Variants in REST observed in about 807,000 individuals in gnomAD.
REST encodes RE1 silencing transcription factor, also known as RE1-silencing transcription factor.
REST carries 1 observed loss-of-function variant against 30.4 expected under a neutral mutation model. That is an observed-to-expected ratio of 0.03 (90% confidence interval 0.01 to 0.16). The LOEUF (loss-of-function observed/expected upper bound fraction) is 0.16. Among genes scored for constraint, REST ranks in the 10% least tolerant of loss-of-function variants. REST has a pLI of 1.00. For synonymous variants in REST, 504 were observed against 451.1 expected, an observed-to-expected ratio of 1.12 and a Z score of -1.49; for missense variants, 1,259 against 1,329.5, an observed-to-expected ratio of 0.95 and a Z score of 0.82.
chr4:56,916,709 G>C (rs1445092717), intron 2 of REST, among the ~76,000 whole-genome samples: 1 of 152,024 alleles, frequency 6.6e-6, no homozygotes, highest in Non-Finnish European at 1.5e-5. Flanking sequence ...ATCTGCAGTG[G>C]TATTTAATTT....
rs1720958593 is a variant in REST, at chr4:56,931,261, A to G, written c.2403A>G (p.Arg801=). 1 of 1,614,116 alleles carries G rather than the reference A, an allele frequency of 6.2e-7. No individual in the cohort carries two copies. The highest frequency in any genetic ancestry group is 1.3e-5 in the African/African-American group (1 of 74,956). ...CTCAGAGGGAGCCACCTCCTCCCAG[A>G]GAGCCTCCCCTTCACATGGAGCCAA... ...EPAQREPPPP[R]EPPLHMEPIS... The change falls in exon 4 of 4, where the codon AGA becomes AGG. Residue 801 remains arginine, a synonymous_variant. Coordinates refer to ENST00000309042, the MANE Select transcript of REST (RefSeq NM_005612.5).
In REST at chr4:56,930,697, G is replaced by A; in HGVS notation, c.1839G>A (p.Met613Ile). The A allele has an allele frequency of 1.2e-6, 2 of 1,611,358 alleles. No homozygotes were observed. The highest frequency in any genetic ancestry group is 1.7e-6 in the Non-Finnish European group (2 of 1,179,320). Residue 613 changes from methionine to isoleucine, a missense_variant, in exon 4 of 4, where the codon ATG becomes ATA. Coordinates refer to ENST00000309042, the MANE Select transcript of REST (RefSeq NM_005612.5). Reference sequence around the variant, plus strand: ...CTGCTCAGATGGACCCTCCTCAGATGGGGCCTGCTCCCACAGAGGCGGTTC... The same window carrying A: ...CTGCTCAGATGGACCCTCCTCAGATAGGGCCTGCTCCCACAGAGGCGGTTC... ...KGSAQMDPPQ[M>I]GPAPTEAVQK...
chr4:56,910,572 AAGCC>A, intron 1 of REST, 54 bp from the exon 2 acceptor site: 1 of 1,412,968 alleles, frequency 7.1e-7, no homozygotes, highest in South Asian at 1.4e-5. Flanking sequence ...ATGTGGTTTT[AAGCC>A]AGTAACAGTA....
chr4:56,926,682 A>G (rs568987225), intron 3 of REST, among the ~76,000 whole-genome samples: 5 of 152,026 alleles, frequency 3.3e-5, no homozygotes, highest in South Asian at 2.1e-4. Context: ...AAAGTTACCA[A>G]TTGGTTCCAA....
At chr4:56,911,672 A>G in intron 2 of REST, 136 bp downstream of exon 2, 2 of 691,768 alleles carry the variant, frequency 2.9e-6, no homozygotes. Flanking sequence ...GACCTTGCAC[A>G]AGTTGTTTAA....
chr4:56,914,489 A>G (rs899572971), intron 2 of REST, among the ~76,000 whole-genome samples: 41 of 152,140 alleles, frequency 2.7e-4, no homozygotes, highest in African/African-American at 9.7e-4. Flanking sequence ...AAACCATTCG[A>G]TTTCAGAAGT....
At chr4:56,909,900 A>G (rs957955669) in intron 1 of REST, among the ~76,000 whole-genome samples, 2 of 152,208 alleles carry the variant, frequency 1.3e-5, no homozygotes, top group Non-Finnish European at 2.9e-5. Context: ...CTTGGAATTC[A>G]GTGTTGTGGA....
Position 56,930,860 on chromosome 4 carries a change from C to T in REST, c.2002C>T (p.Pro668Ser), listed in dbSNP as rs2109575595. 3.1e-6 allele frequency: 5 copies of T among 1,613,572 alleles called. No individual in the cohort carries two copies. Among genetic ancestry groups the T allele is most frequent in the Non-Finnish European group, 4.2e-6 (5 of 1,179,672 alleles). ...GGGGCCTGCTCAGAAGGAGCTGCTG[C>T]CTCCCGTGGAGCCTGCTCAGATGGT... ...QEGPAQKELL[P>S]PVEPAQMVGA... Residue 668 changes from proline to serine, a missense_variant, in exon 4 of 4, where the codon CCT becomes TCT. By Grantham distance (74) the Pro-to-Ser change is moderately conservative. Transcript: ENST00000309042.
rs137961173 is a variant in REST at position 56,911,256 on chromosome 4, A to G, written c.618A>G (p.Ala206=). 24 of 1,614,154 alleles carry G rather than the reference A, an allele frequency of 1.5e-5. No homozygotes were observed. In the East Asian group the frequency reaches 3.3e-4, roughly 22 times the overall value. ...CCAGGGAATCTGGCTCTTCCACTGC[A>G]GAAGAGGGAGATTTCTCCAAGGGCC... ...AKARESGSST[A]EEGDFSKGPI... Residue 206 remains alanine, a synonymous_variant, in exon 2 of 4, where the codon GCA becomes GCG. Coordinates refer to ENST00000309042, the MANE Select transcript of REST (RefSeq NM_005612.5).
intron 2 of REST, among the ~76,000 whole-genome samples, chr4:56,919,376 TAAAA>T (rs34219963): frequency 1.3e-5 from 2 of 149,188 alleles, no homozygotes; most frequent in African/African-American, 2.5e-5. Context: ...ATTTACAAGT[TAAAA>T]AAAAAACCTA....
Position 56,931,445 on chromosome 4 carries a change from C to T in REST, c.2587C>T (p.Pro863Ser). 1 of 1,614,190 alleles carries T rather than the reference C, an allele frequency of 6.2e-7. No homozygotes were observed. Among genetic ancestry groups the T allele is most frequent in the Non-Finnish European group, 8.5e-7 (1 of 1,180,034 alleles). ...ESVSTEDLSP[P>S]SPPLPKENLR... ...TGTAAGCACAGAGGATCTCTCACCA[C>T]CATCACCACCACTGCCAAAGGAAAA... is the stretch of plus-strand genomic sequence containing the variant. The change falls in exon 4 of 4, where the codon CCA becomes TCA. Residue 863 changes from proline (P) to serine (S), a missense_variant. Physicochemically the swap from Pro to Ser is moderately conservative, Grantham distance 74. Coordinates refer to ENST00000309042, the MANE Select transcript of REST (RefSeq NM_005612.5).
rs1233573833 is a variant in REST, at chr4:56,912,324, TA to T, written c.898+795del. On this transcript the variant is annotated intron_variant, in intron 2 of 3. Coordinates refer to ENST00000309042, the MANE Select transcript of REST (RefSeq NM_005612.5). ...TGAACTGATACTAAGCGCAACTGTA[TA>T]AAAAAAGTTGAAACTTTTTTTTTTT... Among the ~76,000 whole-genome samples, 3 of 147,300 alleles carry T rather than the reference TA, an allele frequency of 2.0e-5. No homozygotes were observed. The South Asian group carries it at 6.4e-4, about 32-fold the overall frequency.
intron 3 of REST, among the ~76,000 whole-genome samples, chr4:56,928,855 C>A (rs1399169003): frequency 6.6e-6 from 1 of 151,094 alleles, no homozygotes; most frequent in Non-Finnish European, 1.5e-5. Context: ...TCCCAAAGTG[C>A]TGGGATTTAC....
At position 56,931,644 on chromosome 4, in the gene REST, C is replaced by T. The variant is rs1244469586; in HGVS notation, c.2786C>T (p.Pro929Leu). The change falls in exon 4 of 4, where the codon CCA becomes CTA. Residue 929 changes from proline to leucine, a missense_variant. By Grantham distance (98) the Pro-to-Leu change is moderately conservative (BLOSUM62 -3). Transcript: ENST00000309042. The stretch of plus-strand genomic sequence containing the variant: ...TCCTCTGGACAAAACTTGAATACGC[C>T]AGAGGGTGAAACTTTAAATGGTAAA... ...ISSSGQNLNT[P>L]EGETLNGKHQ... The T allele has an allele frequency of 6.2e-7, 1 of 1,614,042 alleles. No individual in the cohort carries two copies. The highest frequency in any genetic ancestry group is 8.5e-7 in the Non-Finnish European group (1 of 1,180,048).
In REST at chr4:56,931,344, A is replaced by G. The variant is rs146942863; in HGVS notation, c.2486A>G (p.Glu829Gly). ...AAGGAAAAGTCTAACATGCAGAGTG[A>G]AAGGGCACGGAAGGAGCAAGTCCTT... ...DKKEKSNMQS[E>G]RARKEQVLIE... Residue 829 changes from glutamate (E) to glycine (G), a missense_variant, in exon 4 of 4, where the codon GAA becomes GGA. By Grantham distance (98) the Glu-to-Gly change is moderately conservative. Coordinates refer to ENST00000309042, the MANE Select transcript of REST (RefSeq NM_005612.5). 9.6e-4 allele frequency: 1,550 copies of G among 1,614,278 alleles called. 4 individuals are homozygous for G. Among genetic ancestry groups the G allele is most frequent in the Non-Finnish European group, 1.2e-3 (1,434 of 1,180,048 alleles).
Position 56,919,863 on chromosome 4 carries a change from T to A in REST, c.975T>A (p.Thr325=), listed in dbSNP as rs749776025. The part of the protein sequence containing the change: ...QKTHLTRHMR[T]HSGEKPFKCD... ...CTCATCTAACTAGACATATGCGTAC[T>A]CATTCAGGTTGGTAAGAAATTGGAA... The change falls in exon 3 of 4, where the codon ACT becomes ACA. Residue 325 remains threonine, a synonymous_variant. Coordinates refer to ENST00000309042, the MANE Select transcript of REST (RefSeq NM_005612.5). The A allele has an allele frequency of 6.4e-7, 1 of 1,556,590 alleles. No homozygotes were observed. Among genetic ancestry groups the A allele is most frequent in the African/African-American group, 1.4e-5 (1 of 74,038 alleles).
intron 3 of REST, among the ~76,000 whole-genome samples, chr4:56,923,790 C>T (rs993663936): frequency 5.9e-5 from 9 of 151,768 alleles, no homozygotes; most frequent in South Asian, 2.1e-4. Flanking sequence ...GGTGCGACCT[C>T]GGCTCACTGC....
chr4:56,929,905 C>T lies in REST; in HGVS notation c.1047C>T (p.Arg349=). The change falls in exon 4 of 4, where the codon CGC becomes CGT. Residue 349 remains arginine, a synonymous_variant. Transcript: ENST00000309042. ...CCTCTAATCAACATGAAGTAACCCG[C>T]CATGCAAGACAGGTTCACAATGGGC... ...YVASNQHEVT[R]HARQVHNGPK... The T allele has an allele frequency of 1.2e-6, 2 of 1,614,076 alleles. No homozygotes were observed. Among genetic ancestry groups the T allele is most frequent in the Non-Finnish European group, 1.7e-6 (2 of 1,179,964 alleles).
At position 56,911,170 on chromosome 4, in the gene REST, A is replaced by C; in HGVS notation, c.532A>C (p.Ile178Leu). The C allele has an allele frequency of 6.2e-7, 1 of 1,614,226 alleles. No individual in the cohort carries two copies. Among genetic ancestry groups the C allele is most frequent in the Non-Finnish European group, 8.5e-7 (1 of 1,180,038 alleles). ...AESEEQFVHH[I>L]RVHSAKKFFV... is the part of the protein sequence containing the mutation. ...ATCTGAAGAACAGTTTGTGCATCAC[A>C]TCAGAGTTCACAGTGCTAAGAAATT... Residue 178 changes from isoleucine to leucine, a missense_variant, in exon 2 of 4, where the codon ATC becomes CTC. Transcript: ENST00000309042.
Sources: allele counts gnomAD v4.1 joint callset (sites outside exome capture counted in the v4.1 genomes callset), GRCh38; gene constraint gnomAD v4.1.1; transcripts MANE v1.5; gene names NCBI Gene and HGNC (gene_info 2026-07-23, HGNC 2026-07-21).